SEC24A: variants seen among roughly 807,000 people sequenced by gnomAD.
The protein encoded by SEC24A is protein transport protein Sec24A.
Under a neutral mutation model 129.4 loss-of-function variants are expected in SEC24A, and 93 were observed. The ratio of observed to expected loss-of-function variants is 0.72; its 90% CI spans 0.61 to 0.85. The LOEUF is 0.85. SEC24A is among the 40% of genes least tolerant of loss of function. The pLI, the probability that SEC24A is intolerant of heterozygous loss-of-function variation, is 0.00. For synonymous variants in SEC24A, 460 were observed against 467.3 expected (o/e 0.98, Z 0.20); for missense variants, 1,264 against 1,307.4 (o/e 0.97, Z 0.51).
chr5:134,685,711 C>T (rs1751428278), intron 9 of SEC24A, among the ~76,000 whole-genome samples: 1 of 151,910 alleles, frequency 6.6e-6, no homozygotes, highest in Non-Finnish European at 1.5e-5. Context: ...TGGCCAGGTG[C>T]AGTGGCTCAC....
chr5:134,666,693 T>C (rs1345832098), intron 2 of SEC24A, 130 bp from the exon 3 acceptor site: 18 of 691,448 alleles, frequency 2.6e-5, no homozygotes, highest in Non-Finnish European at 2.2e-5. Context: ...GAAGTTAACA[T>C]GTTTCTGGTA....
Position 134,675,109 on chromosome 5 carries a change from T to G in SEC24A, c.1043T>G (p.Leu348Arg). ...MSGLSLQPEG[L>R]RVVNLLQERN... is the part of the protein sequence containing the mutation. ...GGATTAAGTCTACAACCAGAGGGTC[T>G]AAGAGTTGTCAATCTTCTTCAAGAA... Residue 348 changes from leucine to arginine, a missense_variant, in exon 6 of 23, where the codon CTA becomes CGA. Physicochemically the swap from Leu to Arg is moderately radical, Grantham distance 102. Transcript: ENST00000398844. 1 of 1,613,704 alleles carries G rather than the reference T, an allele frequency of 6.2e-7. No individual in the cohort carries two copies. The highest frequency in any genetic ancestry group is 8.5e-7 in the Non-Finnish European group (1 of 1,179,694).
At chr5:134,685,762 G>A (rs1453593835) in intron 9 of SEC24A, among the ~76,000 whole-genome samples, 1 of 151,994 alleles carries the variant, frequency 6.6e-6, no homozygotes, top group Non-Finnish European at 1.5e-5. Context: ...GAAGGCGGGC[G>A]GATCACATGA....
chr5:134,676,023 G>A lies in SEC24A; in HGVS notation c.1152G>A (p.Glu384=). The change falls in exon 7 of 23, where the codon GAG becomes GAA. Residue 384 remains glutamate (E), a splice_region_variant and synonymous_variant. Transcript: ENST00000398844. The stretch of plus-strand genomic sequence containing the variant: ...ATACATACTTTTTACTTTGATATAG[G>A]TTATTTCGATGCACGCTGACTAGCA... The part of the protein sequence containing the change: ...EDIQKLNCNP[E]LFRCTLTSIP... 6.3e-7 allele frequency: 1 copy of A among 1,595,828 alleles called. No individual in the cohort carries two copies. Among genetic ancestry groups the A allele is most frequent in the Non-Finnish European group, 8.5e-7 (1 of 1,173,606 alleles).
intron 20 of SEC24A, among the ~76,000 whole-genome samples, chr5:134,719,288 G>A (rs1046015390): frequency 1.3e-4 from 20 of 150,926 alleles, no homozygotes; most frequent in African/African-American, 4.6e-4. Flanking sequence ...AGGCTGAGGT[G>A]TGAGAATCAT....
At chr5:134,714,653 A>G (rs1004975444) in intron 18 of SEC24A, among the ~76,000 whole-genome samples, 1 of 152,196 alleles carries the variant, frequency 6.6e-6, no homozygotes, top group African/African-American at 2.4e-5. Flanking sequence ...TCCTTCATGT[A>G]TGCCTTTACT....
intron 18 of SEC24A, among the ~76,000 whole-genome samples, chr5:134,709,589 A>C (rs375639788): frequency 2.0e-5 from 3 of 152,206 alleles, no homozygotes; most frequent in East Asian, 3.8e-4. Flanking sequence ...CAGAAAGCAG[A>C]ATGGTGGTTA....
At position 134,686,787 on chromosome 5, in the gene SEC24A, C is replaced by T. The variant is rs1368391237; in HGVS notation, c.1492-3C>T. 1.3e-6 allele frequency: 2 copies of T among 1,560,492 alleles called. No individual in the cohort carries two copies. The highest frequency in any genetic ancestry group is 3.8e-5 in the Admixed American group (2 of 52,006). ...GTACTTAACAAGATCTTTTTTTCTT[C>T]AGTTACGACCACCTCAGCCTCCAGT... On this transcript the variant is annotated splice_region_variant and splice_polypyrimidine_tract_variant and intron_variant, in intron 9 of 22. Transcript: ENST00000398844.
At chr5:134,650,293 TA>T (rs1174474133) in intron 1 of SEC24A, among the ~76,000 whole-genome samples, 3 of 152,198 alleles carry the variant, frequency 2.0e-5, no homozygotes, top group Non-Finnish European at 4.4e-5. Flanking sequence ...CTAGAATATT[TA>T]GTAACATTTA....
intron 13 of SEC24A, among the ~76,000 whole-genome samples, chr5:134,695,862 G>T (rs1319699130): frequency 2.0e-5 from 3 of 149,656 alleles, no homozygotes; most frequent in East Asian, 2.0e-4. Flanking sequence ...GCTGAGGCAT[G>T]AGAATTGCTT....
chr5:134,650,159 G>A (rs1327129151), intron 1 of SEC24A, among the ~76,000 whole-genome samples: 1 of 152,158 alleles, frequency 6.6e-6, no homozygotes, highest in African/African-American at 2.4e-5. Context: ...TTTTAAAAAT[G>A]TCTGTGAGTA....
chr5:134,706,190 T>C (rs950968119), intron 17 of SEC24A, among the ~76,000 whole-genome samples: 8 of 152,110 alleles, frequency 5.3e-5, no homozygotes, highest in Admixed American at 5.2e-4. Flanking sequence ...CCTGGCCAAC[T>C]ATATCTTATG....
chr5:134,684,377 T>C (rs963742795), intron 9 of SEC24A, among the ~76,000 whole-genome samples: 3 of 151,594 alleles, frequency 2.0e-5, no homozygotes, highest in East Asian at 1.9e-4. Context: ...TGTAAACTTA[T>C]GAGGAACCAG....
chr5:134,683,110 C>T (rs1751331318), intron 9 of SEC24A, among the ~76,000 whole-genome samples: 1 of 151,992 alleles, frequency 6.6e-6, no homozygotes, highest in Non-Finnish European at 1.5e-5. Flanking sequence ...GCAACCTCCG[C>T]CTCCCGGGTT....
At chr5:134,670,714 G>T (rs1750824866) in intron 3 of SEC24A, among the ~76,000 whole-genome samples, 1 of 152,132 alleles carries the variant, frequency 6.6e-6, no homozygotes, top group African/African-American at 2.4e-5. Flanking sequence ...TAAGGGCTGG[G>T]CACGGTGGCT....
chr5:134,685,858 G>A (rs138201408), intron 9 of SEC24A, among the ~76,000 whole-genome samples: 3,198 of 152,000 alleles, frequency 0.021, 41 homozygotes, highest in Non-Finnish European at 0.031. Context: ...GCGTGGTGGC[G>A]CGTGCCTGTA....
chr5:134,664,792 C>CTTTTTTTTTTTTTTTTTTTTTTTTTTTT, intron 2 of SEC24A, among the ~76,000 whole-genome samples: 1 of 86,204 alleles, frequency 1.2e-5, no homozygotes, highest in Non-Finnish European at 2.2e-5. Flanking sequence ...TTTTCTTTTT[C>CTTTTTTTTTTTTTTTTTTTTTTTTTTTT]TTTTTTTTTT....
chr5:134,689,977 G>C (rs1450865943), intron 11 of SEC24A, among the ~76,000 whole-genome samples: 1 of 152,026 alleles, frequency 6.6e-6, no homozygotes, highest in African/African-American at 2.4e-5. Flanking sequence ...GAGGTTACCA[G>C]GGGCTGGGGG....
chr5:134,690,229 A>G (rs999915356), intron 11 of SEC24A, among the ~76,000 whole-genome samples: 1 of 152,180 alleles, frequency 6.6e-6, no homozygotes, highest in Non-Finnish European at 1.5e-5. Context: ...CGTGTTAGCC[A>G]GGCTGGTCTT....
Sources: allele counts gnomAD v4.1 joint callset (sites outside exome capture counted in the v4.1 genomes callset), GRCh38; gene constraint gnomAD v4.1.1; transcripts MANE v1.5; gene names NCBI Gene and HGNC (gene_info 2026-07-23, HGNC 2026-07-21).